Variants in ADGRL2 observed in about 807,000 individuals in gnomAD.
ADGRL2 encodes the protein calcium-independent alpha-latrotoxin receptor 2.
In ADGRL2, 44 loss-of-function variants were observed where a neutral mutation model predicts 157.4. The ratio of observed to expected loss-of-function variants is 0.28; its 90% CI spans 0.22 to 0.36. The LOEUF is 0.36. ADGRL2 is among the 10% of genes least tolerant of loss of function. The pLI, the probability that ADGRL2 is intolerant of heterozygous loss-of-function variation, is 1.00. For synonymous variants in ADGRL2, 585 were observed against 624.7 expected, an observed-to-expected ratio of 0.94 and a Z score of 0.95; for missense variants, 1,510 against 1,768.9, an observed-to-expected ratio of 0.85 and a Z score of 2.63.
intron 3 of ADGRL2, among the ~76,000 whole-genome samples, chr1:81,933,926 T>C (rs1396703666): frequency 6.6e-6 from 1 of 152,128 alleles, no homozygotes; most frequent in East Asian, 1.9e-4. Flanking sequence ...TAGCTCTAAA[T>C]TTGCCATTTT....
chr1:81,618,851 GT>G (rs3841070), intron 3 of ADGRL2, among the ~76,000 whole-genome samples: 19,437 of 147,944 alleles, frequency 0.13, 1,610 homozygotes, highest in Non-Finnish European at 0.18. Flanking sequence ...TCTGGAGAAG[GT>G]TTTTTTTTTT....
chr1:81,991,117 G>A lies in ADGRL2; in HGVS notation c.4382G>A (p.Gly1461Glu). ...GCIPEGDVRE[G>E]QMQLVTSL ...ATTCCAGAAGGAGATGTTAGAGAAG[G>A]ACAAATGCAGCTGGTTACAAGTCTT... Residue 1461 changes from glycine to glutamate, a missense_variant, in exon 24 of 24, where the codon GGA (glycine) becomes GAA (glutamate). Transcript: ENST00000686636. 6.2e-7 allele frequency: 1 copy of A among 1,607,874 alleles called. No homozygotes were observed. The highest frequency in any genetic ancestry group is 2.2e-5 in the East Asian group (1 of 44,668).
At chr1:81,597,932 G>T (rs963103838) in intron 3 of ADGRL2, among the ~76,000 whole-genome samples, 2 of 152,130 alleles carry the variant, frequency 1.3e-5, no homozygotes, top group South Asian at 2.1e-4. Context: ...TCGTGCTGGG[G>T]AGCTATGAAA....
At chr1:81,757,221 A>G (rs2085722873) in intron 1 of ADGRL2, among the ~76,000 whole-genome samples, 1 of 152,176 alleles carries the variant, frequency 6.6e-6, no homozygotes, top group Non-Finnish European at 1.5e-5. Context: ...TAAAAGTTTG[A>G]TTTGAAAGGG....
chr1:81,897,086 G>A (rs979577245), intron 2 of ADGRL2, among the ~76,000 whole-genome samples: 1 of 152,146 alleles, frequency 6.6e-6, no homozygotes, highest in African/African-American at 2.4e-5. Context: ...CTCAGTAGAT[G>A]TTAATTGGAG....
chr1:81,865,173 C>T (rs143860732), intron 2 of ADGRL2, among the ~76,000 whole-genome samples: 152 of 152,246 alleles, frequency 1.0e-3, no homozygotes, highest in Middle Eastern at 3.4e-3. Flanking sequence ...CAGGTTTCTT[C>T]TACATTCCCA....
chr1:81,637,082 G>T (rs2082129485), intron 3 of ADGRL2, among the ~76,000 whole-genome samples: 1 of 152,100 alleles, frequency 6.6e-6, no homozygotes, highest in South Asian at 2.1e-4. Flanking sequence ...GACCTCAAGT[G>T]ATCCACCCGC....
At chr1:81,495,152 C>T (rs1235286847) in intron 2 of ADGRL2, among the ~76,000 whole-genome samples, 1 of 152,038 alleles carries the variant, frequency 6.6e-6, no homozygotes, top group Admixed American at 6.5e-5. Context: ...AGAGGAATAA[C>T]GATTCAGAGA....
intron 1 of ADGRL2, among the ~76,000 whole-genome samples, chr1:81,351,610 A>G (rs114688104): frequency 0.21 from 31,982 of 152,186 alleles, 4,329 homozygotes; most frequent in Middle Eastern, 0.36. Flanking sequence ...TGTTAAAAAA[A>G]AAAAGTCCTT....
At chr1:81,322,346 A>G (rs1407565508) in intron 1 of ADGRL2, among the ~76,000 whole-genome samples, 2 of 151,982 alleles carry the variant, frequency 1.3e-5, no homozygotes, top group African/African-American at 4.8e-5. Context: ...ACATGAAACA[A>G]ACCTTAAAAA....
chr1:81,947,949 T>C (rs1650409796), intron 6 of ADGRL2, among the ~76,000 whole-genome samples: 1 of 152,154 alleles, frequency 6.6e-6, no homozygotes, highest in Admixed American at 6.5e-5. Context: ...CTGGGCACAG[T>C]CGCTCATGCC....
intron 2 of ADGRL2, among the ~76,000 whole-genome samples, chr1:81,512,615 C>A (rs2079099784): frequency 6.6e-6 from 1 of 152,070 alleles, no homozygotes; most frequent in African/African-American, 2.4e-5. Flanking sequence ...GGAAGTGACA[C>A]CAATGTGACT....
chr1:81,324,043 T>A (rs1239080901), intron 1 of ADGRL2, among the ~76,000 whole-genome samples: 1 of 152,148 alleles, frequency 6.6e-6, no homozygotes, highest in African/African-American at 2.4e-5. Context: ...GGCAGGAAGA[T>A]TCCCTTTTGC....
chr1:81,405,769 T>C (rs1174586985), intron 1 of ADGRL2, among the ~76,000 whole-genome samples: 1 of 152,014 alleles, frequency 6.6e-6, no homozygotes, highest in Non-Finnish European at 1.5e-5. Flanking sequence ...AGTTGAACAG[T>C]CTCCACACCT....
chr1:81,339,445 C>T (rs1017134985), intron 1 of ADGRL2, among the ~76,000 whole-genome samples: 5 of 152,190 alleles, frequency 3.3e-5, no homozygotes, highest in African/African-American at 9.7e-5. Context: ...TTACTGAAAG[C>T]ACCTTGAGAG....
chr1:81,451,107 G>T (rs1297556121), intron 2 of ADGRL2, among the ~76,000 whole-genome samples: 1 of 152,072 alleles, frequency 6.6e-6, no homozygotes, highest in East Asian at 1.9e-4. Context: ...CTCGCTAACA[G>T]ATAGCCCTCA....
chr1:81,397,806 C>G (rs61773991), intron 1 of ADGRL2, among the ~76,000 whole-genome samples: 27,649 of 152,076 alleles, frequency 0.18, 2,716 homozygotes, highest in African/African-American at 0.24. Context: ...ATAAAAAGTT[C>G]TGTAAATGTC....
intron 1 of ADGRL2, among the ~76,000 whole-genome samples, chr1:81,327,993 TCTTTGAAACAACCTGCAGGC>T (rs1661012873): frequency 6.6e-6 from 1 of 152,086 alleles, no homozygotes; most frequent in Non-Finnish European, 1.5e-5. Context: ...TAAAATCACT[TCTTTGAAACAACCTGCAGGC>T]CTTTGAAACA....
chr1:81,583,482 G>T lies in ADGRL2; in HGVS notation c.-143+2502G>T, dbSNP rs532366218. On this transcript the variant is annotated intron_variant, in intron 3 of 24. Transcript: ENST00000370721. ...GGTTCACTCTTTGAGATGAGTATAT[G>T]AATAAAATAACTTGAAGAAAAACCT... Among the ~76,000 whole-genome samples, 417 of 152,024 alleles carry T rather than the reference G, an allele frequency of 2.7e-3. 2 individuals carry two copies. Among genetic ancestry groups the T allele is most frequent in the Admixed American group, 3.8e-3 (58 of 15,250 alleles).
Sources: gnomAD v4.1 joint callset for allele counts (sites outside exome capture counted in the v4.1 genomes callset) on GRCh38, gnomAD v4.1.1 for gene constraint, MANE v1.5 for transcripts, NCBI Gene and HGNC (gene_info 2026-07-23, HGNC 2026-07-21) for gene names.